Variants in DCDC1 observed in about 807,000 individuals in gnomAD.
DCDC1 encodes doublecortin domain containing 1.
In DCDC1, 200 loss-of-function variants were observed where a neutral mutation model predicts 178.3. The ratio of observed to expected loss-of-function variants is 1.12; its 90% CI spans 1.00 to 1.26. The LOEUF (loss-of-function observed/expected upper bound fraction) is 1.26. Ranked by LOEUF, DCDC1 falls within the 50% of genes most tolerant of loss-of-function variation. DCDC1 has a pLI of 0.00. For missense variants in DCDC1, 1,983 were observed against 1,749.2 expected (o/e 1.13, Z -2.38); for synonymous variants, 690 against 604.8 (o/e 1.14, Z -2.07).
intron 9 of DCDC1, among the ~76,000 whole-genome samples, chr11:31,204,082 C>A (rs569389912): frequency 6.6e-6 from 1 of 152,138 alleles, no homozygotes; most frequent in African/African-American, 2.4e-5. Flanking sequence ...CTTATTGCTC[C>A]TACCATGTCC....
At chr11:31,364,217 C>T (rs1951844304) in intron 1 of DCDC1, among the ~76,000 whole-genome samples, 1 of 152,146 alleles carries the variant, frequency 6.6e-6, no homozygotes, top group African/African-American at 2.4e-5. Flanking sequence ...TTAAAATGGG[C>T]TTATCAGAGA....
intron 20 of DCDC1, among the ~76,000 whole-genome samples, chr11:31,062,572 C>A (rs547742287): frequency 6.6e-6 from 1 of 152,068 alleles, no homozygotes; most frequent in African/African-American, 2.4e-5. Context: ...TTCTGACACC[C>A]CATATTATGA....
chr11:30,909,081 T>G lies in DCDC1; in HGVS notation c.3783A>C (p.Gln1261His). The stretch of plus-strand genomic sequence containing the variant: ...TTATATTTTTCATGTAATGCCACTT[T>G]TGATTGGCAGCTCCATTGTTGTACG... ...YKPYNNGAANQKWHYMKNIKA... is the reference protein window; with the variant it reads ...YKPYNNGAANHKWHYMKNIKA... The change falls in exon 29 of 39, where the codon CAA becomes CAC. Residue 1261 changes from glutamine to histidine, a missense_variant. Physicochemically the swap from Gln to His is conservative, Grantham distance 24. Coordinates refer to ENST00000684477, the MANE Select transcript of DCDC1 (RefSeq NM_001387274.1). The G allele has an allele frequency of 6.2e-7, 1 of 1,611,668 alleles. No individual in the cohort carries two copies. The highest frequency in any genetic ancestry group is 8.5e-7 in the Non-Finnish European group (1 of 1,178,436).
At chr11:31,165,938 C>G (rs1206904155) in intron 9 of DCDC1, among the ~76,000 whole-genome samples, 1 of 152,156 alleles carries the variant, frequency 6.6e-6, no homozygotes, top group Non-Finnish European at 1.5e-5. Flanking sequence ...CTTACCATGT[C>G]TAAAATTCAC....
chr11:31,124,153 G>T (rs1390736892), intron 11 of DCDC1, among the ~76,000 whole-genome samples: 2 of 151,930 alleles, frequency 1.3e-5, no homozygotes, highest in Non-Finnish European at 2.9e-5. Flanking sequence ...ACTGGCTGTG[G>T]GTTTGTCATA....
intron 10 of DCDC1, among the ~76,000 whole-genome samples, chr11:31,134,327 G>C (rs929740244): frequency 3.3e-5 from 5 of 152,196 alleles, no homozygotes; most frequent in Admixed American, 6.5e-5. Context: ...ACCATCTACT[G>C]TGCTCTGAAA....
chr11:31,303,066 G>A (rs554777483), intron 6 of DCDC1, among the ~76,000 whole-genome samples: 6 of 151,990 alleles, frequency 3.9e-5, no homozygotes, highest in Non-Finnish European at 8.8e-5. Context: ...CCCTATGCTG[G>A]GGCACACATA....
chr11:31,036,389 T>C (rs1296375690), intron 20 of DCDC1, among the ~76,000 whole-genome samples: 7 of 152,324 alleles, frequency 4.6e-5, no homozygotes, highest in Non-Finnish European at 8.8e-5. Context: ...CTCCTGAACA[T>C]TACTTAGAGA....
At chr11:31,147,318 T>C (rs1964554644) in intron 9 of DCDC1, among the ~76,000 whole-genome samples, 1 of 152,164 alleles carries the variant, frequency 6.6e-6, no homozygotes, top group Non-Finnish European at 1.5e-5. Flanking sequence ...AGTTTAACTG[T>C]GTATATGCTA....
At chr11:31,174,165 C>T (rs1453852006) in intron 9 of DCDC1, among the ~76,000 whole-genome samples, 1 of 152,128 alleles carries the variant, frequency 6.6e-6, no homozygotes, top group Non-Finnish European at 1.5e-5. Flanking sequence ...CTGCAGCCGC[C>T]CAGCTGCAGC....
At chr11:31,118,599 A>G (rs536583159) in intron 11 of DCDC1, among the ~76,000 whole-genome samples, 18 of 152,320 alleles carry the variant, frequency 1.2e-4, no homozygotes, top group African/African-American at 4.3e-4. Context: ...ACACTCCGTG[A>G]AAAAGCTAAT....
intron 9 of DCDC1, among the ~76,000 whole-genome samples, chr11:31,166,733 G>A (rs969321722): frequency 6.6e-6 from 1 of 152,168 alleles, no homozygotes; most frequent in Non-Finnish European, 1.5e-5. Flanking sequence ...AGAACTCTAG[G>A]TTATATGCCT....
intron 20 of DCDC1, among the ~76,000 whole-genome samples, chr11:30,964,862 A>G (rs905501048): frequency 6.6e-6 from 1 of 152,162 alleles, no homozygotes; most frequent in African/African-American, 2.4e-5. Context: ...AAGAATGTTC[A>G]TCCTTTCTTC....
At chr11:31,160,201 C>A (rs936120049) in intron 9 of DCDC1, among the ~76,000 whole-genome samples, 1 of 152,092 alleles carries the variant, frequency 6.6e-6, no homozygotes, top group African/African-American at 2.4e-5. Flanking sequence ...ACTTAAATAT[C>A]ATTTTCAGTT....
intron 20 of DCDC1, among the ~76,000 whole-genome samples, chr11:31,049,139 T>A (rs1174706251): frequency 6.6e-6 from 1 of 152,210 alleles, no homozygotes; most frequent in African/African-American, 2.4e-5. Flanking sequence ...CTTTTGTTTG[T>A]GCAAAGAAAA....
At chr11:31,171,643 T>G (rs1967257069) in intron 9 of DCDC1, among the ~76,000 whole-genome samples, 1 of 152,182 alleles carries the variant, frequency 6.6e-6, no homozygotes, top group African/African-American at 2.4e-5. Flanking sequence ...CGATCATTAT[T>G]TCCTTAATGA....
chr11:31,202,051 G>A (rs1461969561), intron 9 of DCDC1, among the ~76,000 whole-genome samples: 2 of 152,110 alleles, frequency 1.3e-5, no homozygotes, highest in Non-Finnish European at 2.9e-5. Context: ...TATACAATGT[G>A]AATTTTTCAT....
chr11:31,209,091 A>AG (rs1046471326), intron 9 of DCDC1, among the ~76,000 whole-genome samples: 2 of 152,174 alleles, frequency 1.3e-5, no homozygotes, highest in African/African-American at 2.4e-5. Context: ...ATGGAATTTG[A>AG]GGGGTCAGGA....
rs996084431 is a variant in DCDC1, at chr11:30,936,221, A to T, written c.2716-4269T>A. ...TCTTAAAAATTGGTCCTTGGTTTCC[A>T]TAGTAGGAAGATCTGTAGCCCTGTC... On this transcript the variant is annotated intron_variant, in intron 21 of 38. Coordinates refer to ENST00000684477, the MANE Select transcript of DCDC1 (RefSeq NM_001387274.1). Among the ~76,000 whole-genome samples, 17 of 151,772 alleles carry T rather than the reference A, an allele frequency of 1.1e-4. No individual in the cohort carries two copies. In the South Asian group the frequency reaches 1.7e-3, roughly 15 times the overall value.
Sources: gnomAD v4.1 joint callset for allele counts (sites outside exome capture counted in the v4.1 genomes callset) on GRCh38, gnomAD v4.1.1 for gene constraint, MANE v1.5 for transcripts, NCBI Gene and HGNC (gene_info 2026-07-23, HGNC 2026-07-21) for gene names.